Variants in MGAT4C observed in about 807,000 individuals in gnomAD.
MGAT4C encodes the protein MGAT4 family member C, also known as alpha-1,3-mannosyl-glycoprotein 4-beta-N-acetylglucosaminyltransferase C.
MGAT4C carries 19 observed loss-of-function variants against 40.1 expected under a neutral mutation model. That is an observed-to-expected ratio of 0.47 (90% CI 0.33 to 0.70). MGAT4C has a LOEUF of 0.70. Among genes scored for constraint, MGAT4C ranks in the 30% least tolerant of loss-of-function variants. MGAT4C has a pLI of 0.02. For missense variants in MGAT4C, 491 were observed against 563.2 expected (o/e 0.87, Z 1.30); for synonymous variants, 181 against 187.1 (o/e 0.97, Z 0.27).
intron 3 of MGAT4C, among the ~76,000 whole-genome samples, chr12:86,379,090 A>G (rs751476315): frequency 6.6e-6 from 1 of 152,146 alleles, no homozygotes; most frequent in East Asian, 1.9e-4. Context: ...ACAATATCTT[A>G]GGCAAGTAGT....
intron 2 of MGAT4C, among the ~76,000 whole-genome samples, chr12:86,657,039 T>C (rs572294997): frequency 6.6e-6 from 1 of 152,042 alleles, no homozygotes; most frequent in African/African-American, 2.4e-5. Context: ...AATTGACTTC[T>C]AAGAAGAATC....
intron 2 of MGAT4C, among the ~76,000 whole-genome samples, chr12:86,033,456 T>C (rs1890944362): frequency 1.3e-5 from 2 of 149,592 alleles, no homozygotes; most frequent in African/African-American, 4.9e-5. Flanking sequence ...TATCTCTCAC[T>C]GTGGAAGTAT....
intron 2 of MGAT4C, among the ~76,000 whole-genome samples, chr12:86,617,703 A>G (rs1038140247): frequency 8.0e-5 from 9 of 112,746 alleles, no homozygotes; most frequent in South Asian, 2.3e-4. Flanking sequence ...AAAATAATTG[A>G]AAAAAAAAAA....
chr12:86,776,450 A>G (rs547475077), intron 1 of MGAT4C, among the ~76,000 whole-genome samples: 124 of 152,088 alleles, frequency 8.2e-4, no homozygotes, highest in African/African-American at 2.9e-3. Flanking sequence ...TAAATTTAAG[A>G]TATCATGTTA....
At chr12:86,547,125 T>C (rs1959198097) in intron 2 of MGAT4C, among the ~76,000 whole-genome samples, 1 of 152,080 alleles carries the variant, frequency 6.6e-6, no homozygotes, top group African/African-American at 2.4e-5. Context: ...TTTATTTTGC[T>C]ATAAGAATTT....
At chr12:86,154,274 A>AG (rs2135779022) in intron 1 of MGAT4C, among the ~76,000 whole-genome samples, 2 of 152,306 alleles carry the variant, frequency 1.3e-5, no homozygotes, top group Non-Finnish European at 2.9e-5. Context: ...TCCTGAGGTA[A>AG]GGGGGAATTG....
chr12:86,268,442 T>C (rs1283742956), intron 4 of MGAT4C, among the ~76,000 whole-genome samples: 1 of 151,896 alleles, frequency 6.6e-6, no homozygotes, highest in Admixed American at 6.6e-5. Flanking sequence ...ACATGATATA[T>C]AAAGGATTTT....
In MGAT4C at chr12:86,716,189, G is replaced by A. The variant is rs146462342; in HGVS notation, c.-229+11020C>T. On this transcript the variant is annotated intron_variant, in intron 2 of 7. Coordinates refer to the MGAT4C transcript ENST00000548651. ...TATAAACCATCAGTCATCCCATACA[G>A]GAGGTACATATAAACATTAAACAGG... 2.7e-4 allele frequency among the ~76,000 whole-genome samples: 41 copies of A among 152,136 alleles called. No homozygotes were observed. In the East Asian group the frequency reaches 3.3e-3, roughly 12 times the overall value.
At chr12:86,629,682 A>G (rs1054396049) in intron 2 of MGAT4C, among the ~76,000 whole-genome samples, 8 of 152,346 alleles carry the variant, frequency 5.3e-5, no homozygotes, top group Middle Eastern at 3.4e-3. Context: ...GAAGGCAGAA[A>G]TAAAGATGTT....
intron 4 of MGAT4C, among the ~76,000 whole-genome samples, chr12:86,262,213 T>C (rs574769063): frequency 2.6e-5 from 4 of 152,212 alleles, no homozygotes; most frequent in African/African-American, 9.6e-5. Flanking sequence ...ACAGAGCATG[T>C]TCATATATCC....
intron 2 of MGAT4C, among the ~76,000 whole-genome samples, chr12:86,458,567 A>G (rs1374321231): frequency 6.6e-6 from 1 of 152,242 alleles, no homozygotes. Context: ...GCTAGCCACT[A>G]TATTACATGT....
chr12:86,424,956 C>A (rs993593718), intron 3 of MGAT4C, among the ~76,000 whole-genome samples: 1 of 152,070 alleles, frequency 6.6e-6, no homozygotes, highest in African/African-American at 2.4e-5. Flanking sequence ...CGGGGTTTCA[C>A]CGTGTTAGCC....
chr12:86,073,622 C>G (rs562087428), intron 1 of MGAT4C, among the ~76,000 whole-genome samples: 1 of 151,428 alleles, frequency 6.6e-6, no homozygotes, highest in African/African-American at 2.4e-5. Context: ...GGAGTTAAGG[C>G]GACTCTTTAA....
At chr12:86,389,749 C>A (rs1304459010) in intron 3 of MGAT4C, among the ~76,000 whole-genome samples, 2 of 152,128 alleles carry the variant, frequency 1.3e-5, no homozygotes, top group Non-Finnish European at 2.9e-5. Context: ...TATGTTATAT[C>A]TAATGCTGAA....
At chr12:86,597,491 G>T (rs1396360717) in intron 2 of MGAT4C, among the ~76,000 whole-genome samples, 1 of 152,176 alleles carries the variant, frequency 6.6e-6, no homozygotes, top group African/African-American at 2.4e-5. Flanking sequence ...CAGTTGTGTT[G>T]TCCCTATTGC....
chr12:86,529,104 C>T (rs112699607), intron 2 of MGAT4C, among the ~76,000 whole-genome samples: 1,888 of 152,112 alleles, frequency 0.012, 11 homozygotes, highest in Middle Eastern at 0.017. Context: ...TTTTCCTTTT[C>T]CTTTCTTTGG....
chr12:86,741,930 T>C (rs959669355), intron 1 of MGAT4C, among the ~76,000 whole-genome samples: 12 of 151,450 alleles, frequency 7.9e-5, no homozygotes, highest in Admixed American at 7.3e-4. Context: ...GTTTACAAAA[T>C]TGTTTTCTGT....
chr12:86,660,918 G>T (rs943225418), intron 2 of MGAT4C, among the ~76,000 whole-genome samples: 2 of 152,168 alleles, frequency 1.3e-5, no homozygotes, highest in African/African-American at 2.4e-5. Flanking sequence ...GATGTAAGCT[G>T]TCAGGAAGCA....
At chr12:86,749,600 C>T (rs1436485031) in intron 1 of MGAT4C, among the ~76,000 whole-genome samples, 1 of 151,608 alleles carries the variant, frequency 6.6e-6, no homozygotes, top group East Asian at 1.9e-4. Context: ...ACTTTCCTCC[C>T]CCTACTAAAT....
Sources: allele counts gnomAD v4.1 joint callset (sites outside exome capture counted in the v4.1 genomes callset), GRCh38; gene constraint gnomAD v4.1.1; transcripts MANE v1.5; gene names NCBI Gene and HGNC (gene_info 2026-07-23, HGNC 2026-07-21).